The following ZNF423 variants were observed in gnomAD, a reference collection of about 807,000 sequenced individuals.
ZNF423 encodes the protein zinc finger protein 423, also known as Ebf-associated zinc finger protein.
A neutral mutation model predicts 95.8 loss-of-function variants in ZNF423; 12 were observed. That is an observed-to-expected ratio of 0.13 (90% confidence interval 0.08 to 0.20). The LOEUF (loss-of-function observed/expected upper bound fraction) is 0.20, where lower values mean the gene tolerates loss of function less well. Among genes scored for constraint, ZNF423 ranks in the 10% least tolerant of loss-of-function variants. The pLI, the probability that ZNF423 is intolerant of heterozygous loss-of-function variation, is 1.00. For synonymous variants in ZNF423, 749 were observed against 711.9 expected (o/e 1.05, Z -0.83); for missense variants, 1,316 against 1,737.1 (o/e 0.76, Z 4.31).
intron 3 of ZNF423, among the ~76,000 whole-genome samples, chr16:49,657,963 C>T (rs1596805893): frequency 6.6e-6 from 1 of 152,210 alleles, no homozygotes; most frequent in African/African-American, 2.4e-5. Context: ...GGGTCTGTGT[C>T]CTATACTATT....
At chr16:49,684,973 C>T (rs2031507473) in intron 3 of ZNF423, among the ~76,000 whole-genome samples, 1 of 152,216 alleles carries the variant, frequency 6.6e-6, no homozygotes, top group Non-Finnish European at 1.5e-5. Flanking sequence ...GGCACGCGAA[C>T]CACCAACACC....
At chr16:49,543,206 G>A (rs1217260523) in intron 5 of ZNF423, among the ~76,000 whole-genome samples, 1 of 152,100 alleles carries the variant, frequency 6.6e-6, no homozygotes. Context: ...AATCATAAAA[G>A]GGCTCAACAC....
At chr16:49,800,703 C>T (rs150543323) in intron 1 of ZNF423, among the ~76,000 whole-genome samples, 4 of 152,346 alleles carry the variant, frequency 2.6e-5, no homozygotes, top group East Asian at 1.9e-4. Flanking sequence ...CACATACTGG[C>T]TCCCCTTCCA....
chr16:49,807,288 G>A (rs369267166), intron 1 of ZNF423, among the ~76,000 whole-genome samples: 27 of 151,782 alleles, frequency 1.8e-4, no homozygotes, highest in South Asian at 1.7e-3. Context: ...AAAATTAGCC[G>A]GGCGTGGTGG....
At chr16:49,772,325 G>A (rs1596992439) in intron 2 of ZNF423, among the ~76,000 whole-genome samples, 1 of 152,212 alleles carries the variant, frequency 6.6e-6, no homozygotes, top group Non-Finnish European at 1.5e-5. Context: ...AGCCTGCACC[G>A]GTGAGAGCCG....
intron 5 of ZNF423, among the ~76,000 whole-genome samples, chr16:49,583,064 G>C (rs1490154595): frequency 6.6e-6 from 1 of 152,182 alleles, no homozygotes; most frequent in Non-Finnish European, 1.5e-5. Flanking sequence ...CTGCCTGGCT[G>C]GTAAACAGAA....
rs113064463 is a variant in ZNF423, at chr16:49,491,848, G to T, written c.3850-544C>A. ...AGGCGTGCTGAGGCAGTGGGCGGCC[G>T]TGGTGCCTGCGGCCCAGGCAGGGGA... On this transcript the variant is annotated intron_variant, in intron 7 of 7. Coordinates refer to ENST00000563137, the MANE Select transcript of ZNF423 (RefSeq NM_001379286.1). 6.1e-3 allele frequency among the ~76,000 whole-genome samples: 928 copies of T among 152,312 alleles called. 9 individuals carry two copies. Among genetic ancestry groups the T allele is most frequent in the African/African-American group, 0.02 (852 of 41,572 alleles).
chr16:49,734,548 G>A (rs2033241319), intron 2 of ZNF423, among the ~76,000 whole-genome samples: 1 of 152,166 alleles, frequency 6.6e-6, no homozygotes, highest in African/African-American at 2.4e-5. Context: ...GAAAACAGCC[G>A]GCTGGCTCCT....
intron 3 of ZNF423, chr16:49,664,242 C>T (rs905220975): frequency 6.1e-6 from 6 of 985,524 alleles, no homozygotes; most frequent in African/African-American, 1.7e-5. Flanking sequence ...AGCCACGGGA[C>T]GCATCCCCAC....
chr16:49,793,134 A>G (rs2034442625), intron 1 of ZNF423, among the ~76,000 whole-genome samples: 1 of 151,266 alleles, frequency 6.6e-6, no homozygotes, highest in Non-Finnish European at 1.5e-5. Flanking sequence ...GCCCTGTGCT[A>G]CCCAGCAATG....
At chr16:49,525,648 C>G (rs1357703984) in intron 5 of ZNF423, among the ~76,000 whole-genome samples, 154 bp from the exon 6 acceptor site, 1 of 152,178 alleles carries the variant, frequency 6.6e-6, no homozygotes, top group Non-Finnish European at 1.5e-5. Flanking sequence ...CTCATCCTGG[C>G]TCCACATGGC....
chr16:49,811,182 G>A (rs551548920), intron 1 of ZNF423, among the ~76,000 whole-genome samples: 7 of 152,158 alleles, frequency 4.6e-5, no homozygotes, highest in Non-Finnish European at 7.4e-5. Context: ...CAGATGGGAC[G>A]ATTTCAAGAA....
At chr16:49,854,605 A>G in intron 1 of ZNF423, 3 of 985,300 alleles carry the variant, frequency 3.0e-6, no homozygotes, top group Non-Finnish European at 3.6e-6. Context: ...TTCCTCGATC[A>G]TCTCCCATCT....
rs1972261830 is a variant in ZNF423 at position 49,626,188 on chromosome 16, C to T, written c.3583G>A (p.Val1195Ile). The change falls in exon 5 of 8, where the codon GTT becomes ATT. Residue 1195 changes from valine to isoleucine, a missense_variant. Val to Ile is a conservative substitution (Grantham distance 29). This residue lies in a region of ZNF423 where 75 missense variants were observed against 163.5 expected (regional missense o/e 0.46). Transcript: ENST00000563137. ...CTCTTACCAATCATGTGGTTGGCAA[C>T]GTGGATTTGGATCTCTCTCTCGTTC... is the stretch of plus-strand genomic sequence containing the variant. ...FENEREIQIH[V>I]ANHMIEEGIN... 1 of 1,613,838 alleles carries T rather than the reference C, an allele frequency of 6.2e-7. No individual in the cohort carries two copies. Among genetic ancestry groups the T allele is most frequent in the Non-Finnish European group, 8.5e-7 (1 of 1,179,936 alleles).
Position 49,635,563 on chromosome 16 carries a change from T to A in ZNF423, c.3516+97A>T. On this transcript the variant is annotated intron_variant, in intron 4 of 7. Coordinates refer to ENST00000563137, the MANE Select transcript of ZNF423 (RefSeq NM_001379286.1). This position sits in a 1 kb window ranked among gnomAD's most constrained non-coding sequence, Gnocchi z 4.8. ...TTTGCCACTGCGCGATAGCGCCGCT[T>A]CTTGGAAACACGGCACTCAGGGTAC... is the stretch of plus-strand genomic sequence containing the variant. 2 of 1,459,796 alleles carry A rather than the reference T, an allele frequency of 1.4e-6. No homozygotes were observed. The highest frequency in any genetic ancestry group is 2.8e-5 in the African/African-American group (2 of 70,256). 90.4% of individuals were successfully genotyped at this position (1,459,796 alleles called of 1,614,324 possible). A position where few individuals can be genotyped will look rare whatever the true frequency, so the allele number is the denominator to read the frequency against.
intron 5 of ZNF423, among the ~76,000 whole-genome samples, chr16:49,599,965 A>C (rs1367099845): frequency 1.3e-5 from 2 of 152,168 alleles, no homozygotes; most frequent in Non-Finnish European, 2.9e-5. Context: ...CACTTGTAAA[A>C]CTGTATCACG....
At chr16:49,823,284 C>A (rs2034967864) in intron 1 of ZNF423, among the ~76,000 whole-genome samples, 2 of 152,262 alleles carry the variant, frequency 1.3e-5, no homozygotes, top group South Asian at 4.1e-4. Flanking sequence ...GCAACCTTTT[C>A]TCTTGCAACA....
chr16:49,788,974 C>A (rs570844326), intron 2 of ZNF423, among the ~76,000 whole-genome samples: 1 of 152,182 alleles, frequency 6.6e-6, no homozygotes, highest in Non-Finnish European at 1.5e-5. Flanking sequence ...AGAGCTTATG[C>A]GGGGATCCTG....
intron 3 of ZNF423, among the ~76,000 whole-genome samples, chr16:49,654,080 GA>G (rs1973512398): frequency 1.3e-5 from 2 of 152,216 alleles, no homozygotes; most frequent in African/African-American, 4.8e-5. Context: ...CTGAGACATA[GA>G]GAGGGCGAGG....
Sources: gnomAD v4.1 joint callset for allele counts (sites outside exome capture counted in the v4.1 genomes callset) on GRCh38, gnomAD v4.1.1 for gene constraint, gnomAD v4.1.1 regional missense constraint, Gnocchi (gnomAD v3.1) non-coding constraint, MANE v1.5 for transcripts, NCBI Gene and HGNC (gene_info 2026-07-23, HGNC 2026-07-21) for gene names.